The following RHOBTB1 variants were observed in gnomAD, a reference collection of about 807,000 sequenced individuals.
The protein encoded by RHOBTB1 is Rho related BTB domain containing 1, also known as rho-related BTB domain-containing protein 1.
RHOBTB1 carries 40 observed loss-of-function variants against 71.6 expected under a neutral mutation model. The observed-to-expected ratio is 0.56, with a 90% CI of 0.43 to 0.73. The LOEUF (loss-of-function observed/expected upper bound fraction) is 0.73, where lower values mean the gene tolerates loss of function less well. Among genes scored for constraint, RHOBTB1 ranks in the 30% least tolerant of loss-of-function variants. The probability of loss-of-function intolerance (pLI) is 0.00; values close to 1 mark genes in which losing one functional copy is unlikely to be tolerated. For missense variants in RHOBTB1, 797 were observed against 894.0 expected, an observed-to-expected ratio of 0.89 and a Z score of 1.38; for synonymous variants, 319 against 334.9, an observed-to-expected ratio of 0.95 and a Z score of 0.52.
rs191448746 is a variant in RHOBTB1, at chr10:60,886,108, G to T, written c.1575+4C>A. ...CACCACTATGCTTTTAGGAAGGCAC[G>T]TACCTCACTGTTGGCACTTTCCACA... On this transcript the variant is annotated splice_donor_region_variant and intron_variant, in intron 7 of 10. Transcript: ENST00000337910. 1 of 1,601,846 alleles carries T rather than the reference G, an allele frequency of 6.2e-7. No individual in the cohort carries two copies. Among genetic ancestry groups the T allele is most frequent in the Non-Finnish European group, 8.6e-7 (1 of 1,168,844 alleles).
rs112056365 is a variant in RHOBTB1 at position 60,955,552 on chromosome 10, A to G, written c.-61-13698T>C. On this transcript the variant is annotated intron_variant, in intron 2 of 11. Transcript: ENST00000357917. ...TCCTGAGCTATCCCAAACCACAGAG[A>G]GTTGCTAGCTATCATTACAAAGCAC... is the stretch of plus-strand genomic sequence containing the variant. Among the ~76,000 whole-genome samples, 258 of 152,088 alleles carry G rather than the reference A, an allele frequency of 1.7e-3. 1 individual carries two copies. Among genetic ancestry groups the G allele is most frequent in the African/African-American group, 5.9e-3 (245 of 41,590 alleles).
intron 2 of RHOBTB1, among the ~76,000 whole-genome samples, chr10:60,984,247 T>C (rs1441364554): frequency 6.6e-6 from 1 of 152,148 alleles, no homozygotes; most frequent in East Asian, 1.9e-4. Flanking sequence ...ATAAATTAAG[T>C]TAACGGAAAC....
chr10:60,910,795 T>C, intron 4 of RHOBTB1, 92 bp downstream of exon 4: 1 of 864,334 alleles, frequency 1.2e-6, no homozygotes, highest in Non-Finnish European at 1.9e-6. Flanking sequence ...CAAGGCCATA[T>C]GATGTGGTTT....
chr10:60,972,766 G>C (rs1244054125), intron 2 of RHOBTB1, among the ~76,000 whole-genome samples: 1 of 152,074 alleles, frequency 6.6e-6, no homozygotes, highest in African/African-American at 2.4e-5. Flanking sequence ...CACAATACCA[G>C]TAGTGGTGGA....
At chr10:60,990,755 A>C (rs1441587955) in intron 1 of RHOBTB1, among the ~76,000 whole-genome samples, 1 of 152,106 alleles carries the variant, frequency 6.6e-6, no homozygotes, top group African/African-American at 2.4e-5. Context: ...TTTTGGCCTC[A>C]GTGTTTTCTT....
At chr10:60,891,904 C>T (rs2081941277) in intron 5 of RHOBTB1, among the ~76,000 whole-genome samples, 4 of 152,064 alleles carry the variant, frequency 2.6e-5, no homozygotes, top group Admixed American at 2.6e-4. Flanking sequence ...GGGCGGTTCC[C>T]CCATGCTATT....
chr10:60,876,987 C>G (rs1391906110), intron 8 of RHOBTB1: 18 of 152,196 alleles, frequency 1.2e-4, no homozygotes, highest in Admixed American at 1.2e-3. Flanking sequence ...AGAAGAAAGG[C>G]CAGTGAACAA....
intron 2 of RHOBTB1, chr10:60,913,047 T>C (rs1190789012): frequency 6.6e-6 from 1 of 152,218 alleles, no homozygotes; most frequent in Non-Finnish European, 1.5e-5. Context: ...TAATTGGGAC[T>C]CAAGTGTTTG....
intron 2 of RHOBTB1, among the ~76,000 whole-genome samples, chr10:60,975,932 G>A (rs2086299172): frequency 6.6e-6 from 1 of 152,050 alleles, no homozygotes; most frequent in Admixed American, 6.6e-5. Flanking sequence ...GGTGGAAAAT[G>A]AGGAAGTGGA....
intron 1 of RHOBTB1, among the ~76,000 whole-genome samples, chr10:60,942,919 G>A (rs904122905): frequency 6.6e-6 from 1 of 151,960 alleles, no homozygotes; most frequent in Admixed American, 6.5e-5. Context: ...GCAGCGGTTG[G>A]GGGTGGGGGA....
intron 2 of RHOBTB1, among the ~76,000 whole-genome samples, chr10:60,928,872 A>T (rs1258140576): frequency 6.6e-6 from 1 of 152,190 alleles, no homozygotes; most frequent in Non-Finnish European, 1.5e-5. Flanking sequence ...TAAAGAATTG[A>T]GAATGGGTAA....
At chr10:60,905,590 T>C (rs541098863) in intron 4 of RHOBTB1, among the ~76,000 whole-genome samples, 23 of 148,656 alleles carry the variant, frequency 1.5e-4, no homozygotes, top group African/African-American at 5.5e-4. Flanking sequence ...AAAACCAAAA[T>C]AGCAATTGTG....
rs906463616 is a variant in RHOBTB1, at chr10:60,875,059, G to A, written c.1727-17C>T. The A allele has an allele frequency of 1.0e-5, 16 of 1,608,016 alleles. No homozygotes were observed. The highest frequency in any genetic ancestry group is 1.6e-4 in the Middle Eastern group (1 of 6,076). The stretch of plus-strand genomic sequence containing the variant: ...CATGCTGTTCTGGGGAAGAGAGAGG[G>A]GGCAGGAGAACATTAAACCACGCCC... On this transcript the variant is annotated splice_polypyrimidine_tract_variant and intron_variant, in intron 8 of 10. Coordinates refer to ENST00000337910, the MANE Select transcript of RHOBTB1 (RefSeq NM_014836.5).
intron 4 of RHOBTB1, among the ~76,000 whole-genome samples, chr10:60,900,739 G>A (rs1192778071): frequency 6.6e-6 from 1 of 152,218 alleles, no homozygotes. Flanking sequence ...AAGTAAGTCA[G>A]AGAATCACTT....
chr10:60,882,195 T>C (rs2081357252), intron 7 of RHOBTB1, among the ~76,000 whole-genome samples: 1 of 135,818 alleles, frequency 7.4e-6, no homozygotes, highest in African/African-American at 2.9e-5. Context: ...ATATAGTTTC[T>C]TTTTTCTTAA....
At position 60,871,290 on chromosome 10, in the gene RHOBTB1, G is replaced by T; in HGVS notation, c.*192C>A. 3 of 531,144 alleles carry T rather than the reference G, an allele frequency of 5.6e-6. No homozygotes were observed. The highest frequency in any genetic ancestry group is 4.8e-4 in the Middle Eastern group (1 of 2,066). 32.9% of individuals were successfully genotyped at this position (531,144 alleles called of 1,614,324 possible). A position where few individuals can be genotyped will look rare whatever the true frequency, so the allele number is the denominator to read the frequency against. On this transcript the variant is annotated 3_prime_UTR_variant, in exon 11 of 11. Coordinates refer to ENST00000337910, the MANE Select transcript of RHOBTB1 (RefSeq NM_014836.5). ...GCAGTGAGAGTCAGCTTCCCTTTTT[G>T]TCCAGGCTCATTGATGGTGAGCTTG...
the RHOBTB1 span, among the ~76,000 whole-genome samples, chr10:60,863,329 TA>T: frequency 6.6e-6 from 1 of 152,234 alleles, no homozygotes; most frequent in Admixed American, 6.5e-5. Flanking sequence ...ACAATGAATT[TA>T]TTTTTTGATC....
chr10:60,926,681 C>A (rs1480412186), intron 2 of RHOBTB1, among the ~76,000 whole-genome samples: 4 of 152,278 alleles, frequency 2.6e-5, no homozygotes, highest in African/African-American at 9.6e-5. Context: ...AATTCAACAT[C>A]CTTCATGATA....
At chr10:60,992,934 A>G (rs1302599417) in intron 1 of RHOBTB1, among the ~76,000 whole-genome samples, 2 of 152,200 alleles carry the variant, frequency 1.3e-5, no homozygotes, top group Admixed American at 6.5e-5. Flanking sequence ...TGCTCTCTCA[A>G]AGAAAGAAAT....
Sources: gnomAD v4.1 joint callset for allele counts (sites outside exome capture counted in the v4.1 genomes callset) on GRCh38, gnomAD v4.1.1 for gene constraint, MANE v1.5 for transcripts, NCBI Gene and HGNC (gene_info 2026-07-23, HGNC 2026-07-21) for gene names.